Variants in ADGRB3 observed in about 807,000 individuals in gnomAD.
ADGRB3 encodes brain-specific angiogenesis inhibitor 3.
A neutral mutation model predicts 193.4 loss-of-function variants in ADGRB3; 37 were observed. That is an observed-to-expected ratio of 0.19 (90% CI 0.15 to 0.25). The LOEUF is 0.25. ADGRB3 is among the 10% of genes least tolerant of loss of function. The probability of loss-of-function intolerance (pLI) is 1.00; values close to 1 mark genes in which losing one functional copy is unlikely to be tolerated. For synonymous variants in ADGRB3, 690 were observed against 644.2 expected (o/e 1.07, Z -1.08); for missense variants, 1,637 against 1,852.9 (o/e 0.88, Z 2.14).
At chr6:69,367,994 G>A (rs1390006523) in intron 29 of ADGRB3, among the ~76,000 whole-genome samples, 4 of 123,080 alleles carry the variant, frequency 3.2e-5, no homozygotes, top group Non-Finnish European at 4.9e-5. Context: ...GGGGACTGTG[G>A]TGGGGTGGGG....
chr6:69,028,487 C>A (rs1452665610), intron 13 of ADGRB3, among the ~76,000 whole-genome samples: 2 of 151,956 alleles, frequency 1.3e-5, no homozygotes, highest in Admixed American at 1.3e-4. Context: ...TAGTTATAAC[C>A]CTGGACTTTA....
chr6:68,870,022 G>A (rs938211852), intron 3 of ADGRB3, among the ~76,000 whole-genome samples: 10 of 152,150 alleles, frequency 6.6e-5, no homozygotes, highest in Non-Finnish European at 7.3e-5. Flanking sequence ...CAAGTAGTCC[G>A]CCTGCCTTGG....
intron 17 of ADGRB3, among the ~76,000 whole-genome samples, chr6:69,129,835 C>A (rs1016324607): frequency 1.3e-5 from 2 of 152,048 alleles, no homozygotes; most frequent in South Asian, 4.1e-4. Flanking sequence ...TGTATGAATT[C>A]TTTTTAGTGC....
intron 14 of ADGRB3, among the ~76,000 whole-genome samples, 184 bp from the exon 15 acceptor site, chr6:69,049,087 A>C (rs752255305): frequency 1.8e-4 from 28 of 152,158 alleles, no homozygotes; most frequent in Non-Finnish European, 3.1e-4. Context: ...GTGATGCAAA[A>C]CTATAGAAAA....
chr6:68,783,744 T>C (rs1290602323), intron 3 of ADGRB3, among the ~76,000 whole-genome samples: 2 of 151,992 alleles, frequency 1.3e-5, no homozygotes, highest in Non-Finnish European at 2.9e-5. Flanking sequence ...TGGTGTGCTA[T>C]GGAGAGTCCT....
At chr6:69,151,936 G>A (rs182992973) in intron 17 of ADGRB3, among the ~76,000 whole-genome samples, 2 of 152,234 alleles carry the variant, frequency 1.3e-5, no homozygotes, top group Admixed American at 1.3e-4. Context: ...AGATCTGATG[G>A]TTTTATAAGG....
At chr6:69,131,476 C>T (rs1774007547) in intron 17 of ADGRB3, among the ~76,000 whole-genome samples, 1 of 151,814 alleles carries the variant, frequency 6.6e-6, no homozygotes, top group Non-Finnish European at 1.5e-5. Context: ...CTTGAATGCC[C>T]AATCTTGAAA....
At chr6:68,786,742 G>T (rs1766980311) in intron 3 of ADGRB3, among the ~76,000 whole-genome samples, 1 of 150,922 alleles carries the variant, frequency 6.6e-6, no homozygotes, top group Non-Finnish European at 1.5e-5. Context: ...AATTACCTTG[G>T]GCAGTATGGC....
intron 16 of ADGRB3, among the ~76,000 whole-genome samples, chr6:69,069,588 G>A (rs4554293): frequency 0.48 from 50,320 of 103,910 alleles, 13,736 homozygotes; most frequent in East Asian, 0.95. Flanking sequence ...AAAATTATCC[G>A]GACGCAGTGG....
At chr6:68,753,342 A>G (rs190359129) in intron 3 of ADGRB3, among the ~76,000 whole-genome samples, 2 of 152,208 alleles carry the variant, frequency 1.3e-5, no homozygotes, top group African/African-American at 4.8e-5. Context: ...AGAGGAAATT[A>G]TCTAAGTCTC....
intron 17 of ADGRB3, among the ~76,000 whole-genome samples, chr6:69,080,149 A>T (rs894066593): frequency 6.6e-6 from 1 of 152,052 alleles, no homozygotes; most frequent in Non-Finnish European, 1.5e-5. Context: ...AATTTCATTT[A>T]CCTCACAGTA....
intron 20 of ADGRB3, among the ~76,000 whole-genome samples, chr6:69,273,454 TG>T (rs1438168003): frequency 1.2e-4 from 19 of 152,220 alleles, no homozygotes; most frequent in Non-Finnish European, 1.9e-4. Context: ...GATTATATTA[TG>T]GATCTGGAAA....
intron 3 of ADGRB3, among the ~76,000 whole-genome samples, chr6:68,846,554 T>C (rs522513): frequency 0.21 from 32,688 of 152,154 alleles, 4,062 homozygotes; most frequent in East Asian, 0.58. Flanking sequence ...TCTCCAGCCA[T>C]GGCTGAAAGG....
At chr6:69,252,539 T>C (rs542383194) in intron 20 of ADGRB3, among the ~76,000 whole-genome samples, 1 of 152,240 alleles carries the variant, frequency 6.6e-6, no homozygotes, top group South Asian at 2.1e-4. Flanking sequence ...ACCAGTAATC[T>C]ATGATAATTC....
At chr6:69,149,726 G>A (rs1742942614) in intron 17 of ADGRB3, among the ~76,000 whole-genome samples, 1 of 152,080 alleles carries the variant, frequency 6.6e-6, no homozygotes, top group Admixed American at 6.5e-5. Context: ...CTTGGATGCT[G>A]TGACCTAAGT....
chr6:68,814,110 T>C (rs1474018605), intron 3 of ADGRB3, among the ~76,000 whole-genome samples: 1 of 152,180 alleles, frequency 6.6e-6, no homozygotes, highest in Non-Finnish European at 1.5e-5. Flanking sequence ...TTTCTACTTC[T>C]AGATCCCTGA....
chr6:69,331,367 A>G (rs1048334906), intron 23 of ADGRB3, among the ~76,000 whole-genome samples: 1 of 152,152 alleles, frequency 6.6e-6, no homozygotes, highest in Admixed American at 6.5e-5. Flanking sequence ...TTTAAAGAAA[A>G]TAAGGGAGGA....
intron 26 of ADGRB3, among the ~76,000 whole-genome samples, chr6:69,342,051 T>C (rs1038674418): frequency 1.3e-5 from 2 of 152,128 alleles, no homozygotes; most frequent in African/African-American, 4.8e-5. Context: ...GAAAAATACT[T>C]GGCACAAAAA....
intron 3 of ADGRB3, among the ~76,000 whole-genome samples, chr6:68,900,674 A>G (rs905513437): frequency 2.6e-5 from 4 of 152,130 alleles, no homozygotes; most frequent in Admixed American, 6.6e-5. Context: ...GATCAGCAAT[A>G]TGAACTCATT....
Sources: allele counts gnomAD v4.1 joint callset (sites outside exome capture counted in the v4.1 genomes callset), GRCh38; gene constraint gnomAD v4.1.1; transcripts MANE v1.5; gene names NCBI Gene and HGNC (gene_info 2026-07-23, HGNC 2026-07-21).